The following DGKB variants were observed in gnomAD, a reference collection of about 807,000 sequenced individuals.
DGKB encodes the protein diacylglycerol kinase beta, also known as 90 kDa diacylglycerol kinase.
DGKB carries 67 observed loss-of-function variants against 114.3 expected under a neutral mutation model. The ratio of observed to expected loss-of-function variants is 0.59; its 90% confidence interval spans 0.48 to 0.72. The LOEUF is 0.72. Among genes scored for constraint, DGKB ranks in the 30% least tolerant of loss-of-function variants. The probability of loss-of-function intolerance (pLI) is 0.00; values close to 1 mark genes in which losing one functional copy is unlikely to be tolerated. For missense variants in DGKB, 907 were observed against 975.2 expected (o/e 0.93, Z 0.93); for synonymous variants, 398 against 323.1 (o/e 1.23, Z -2.49).
chr7:14,727,483 C>A (rs577309942), intron 5 of DGKB, among the ~76,000 whole-genome samples: 3 of 152,162 alleles, frequency 2.0e-5, no homozygotes, highest in Admixed American at 2.0e-4. Flanking sequence ...TTCAATACTA[C>A]AGAGGTACAT....
intron 23 of DGKB, among the ~76,000 whole-genome samples, chr7:14,231,095 CTTT>C (rs1791700247): frequency 9.8e-6 from 1 of 102,234 alleles, no homozygotes. Context: ...TTCTTTCTTT[CTTT>C]CTTTCTTTCT....
intron 1 of DGKB, among the ~76,000 whole-genome samples, chr7:14,960,062 G>A (rs1377035614): frequency 6.6e-6 from 1 of 151,960 alleles, no homozygotes; most frequent in Non-Finnish European, 1.5e-5. Flanking sequence ...ACACAGGCAT[G>A]AGATACAAAT....
At chr7:14,311,894 A>G (rs570728438) in intron 23 of DGKB, among the ~76,000 whole-genome samples, 1 of 152,148 alleles carries the variant, frequency 6.6e-6, no homozygotes, top group Non-Finnish European at 1.5e-5. Context: ...GAATATTCCT[A>G]TTTATGACAC....
chr7:14,839,546 T>A (rs1402670880), intron 2 of DGKB, among the ~76,000 whole-genome samples: 3 of 151,664 alleles, frequency 2.0e-5, no homozygotes, highest in African/African-American at 7.3e-5. Context: ...GGACTACATG[T>A]GCATGCCAGC....
intron 21 of DGKB, among the ~76,000 whole-genome samples, chr7:14,477,521 A>G (rs1782360278): frequency 6.6e-6 from 1 of 152,176 alleles, no homozygotes; most frequent in Admixed American, 6.5e-5. Context: ...AGAGAGCCAT[A>G]TTTCCTTCTA....
intron 21 of DGKB, among the ~76,000 whole-genome samples, chr7:14,475,005 A>T (rs1176453162): frequency 1.3e-5 from 2 of 152,134 alleles, no homozygotes; most frequent in African/African-American, 2.4e-5. Flanking sequence ...TCTCTTAAGC[A>T]ACGGAAAAAT....
At chr7:14,213,120 G>T (rs1265388475) in intron 23 of DGKB, among the ~76,000 whole-genome samples, 1 of 151,806 alleles carries the variant, frequency 6.6e-6, no homozygotes, top group Non-Finnish European at 1.5e-5. Context: ...TAAAAAAATG[G>T]TAACACATTC....
At chr7:14,441,806 T>C (rs1830125856) in intron 21 of DGKB, among the ~76,000 whole-genome samples, 1 of 152,086 alleles carries the variant, frequency 6.6e-6, no homozygotes, top group Non-Finnish European at 1.5e-5. Flanking sequence ...TTGCTTTTAA[T>C]GACACATTTA....
intron 1 of DGKB, among the ~76,000 whole-genome samples, chr7:14,873,622 C>G (rs1451658842): frequency 6.6e-6 from 1 of 151,740 alleles, no homozygotes; most frequent in Admixed American, 6.6e-5. Context: ...CCATTAACTT[C>G]TTATTATAGA....
At chr7:14,776,759 G>C (rs1425127459) in intron 2 of DGKB, among the ~76,000 whole-genome samples, 1 of 152,202 alleles carries the variant, frequency 6.6e-6, no homozygotes, top group African/African-American at 2.4e-5. Context: ...AGTGGAGAAG[G>C]GAAAAGTGGG....
intron 23 of DGKB, among the ~76,000 whole-genome samples, chr7:14,335,158 G>A (rs1810424169): frequency 6.6e-6 from 1 of 152,068 alleles, no homozygotes; most frequent in Admixed American, 6.6e-5. Flanking sequence ...TTCAAAGATT[G>A]CAAGCAAATA....
chr7:14,651,741 C>T (rs1479990030), intron 13 of DGKB, among the ~76,000 whole-genome samples: 98 of 148,374 alleles, frequency 6.6e-4, no homozygotes, highest in African/African-American at 2.1e-3. Context: ...ATTGTATATC[C>T]AGAAAACCCC....
chr7:14,968,511 T>G (rs962250187), intron 1 of DGKB, among the ~76,000 whole-genome samples: 1 of 152,188 alleles, frequency 6.6e-6, no homozygotes, highest in Admixed American at 6.5e-5. Flanking sequence ...AAATCCCAAC[T>G]GTCTTTTCCC....
chr7:14,963,437 T>G (rs537326514), intron 1 of DGKB, among the ~76,000 whole-genome samples: 6 of 152,162 alleles, frequency 3.9e-5, no homozygotes, highest in Non-Finnish European at 7.3e-5. Flanking sequence ...GTAATCAAAT[T>G]TGCCAAAATA....
At chr7:14,679,974 T>C (rs923074757) in intron 12 of DGKB, among the ~76,000 whole-genome samples, 4 of 152,014 alleles carry the variant, frequency 2.6e-5, no homozygotes, top group Non-Finnish European at 5.9e-5. Flanking sequence ...GAGAAACTGA[T>C]AGAGTCTCCT....
chr7:14,322,900 CTCA>C (rs1170148277), intron 23 of DGKB, among the ~76,000 whole-genome samples: 1 of 152,114 alleles, frequency 6.6e-6, no homozygotes, highest in African/African-American at 2.4e-5. Context: ...ATTAAAAAGA[CTCA>C]TCATTCAAAG....
intron 4 of DGKB, among the ~76,000 whole-genome samples, chr7:14,746,949 T>TA (rs3071278): frequency 0.011 from 1,713 of 150,256 alleles, 11 homozygotes; most frequent in African/African-American, 0.019. Context: ...GCAATAATTC[T>TA]AAAAAAAAAA....
intron 20 of DGKB, among the ~76,000 whole-genome samples, chr7:14,558,334 TTC>T (rs1796169009): frequency 6.6e-6 from 1 of 152,024 alleles, no homozygotes; most frequent in African/African-American, 2.4e-5. Flanking sequence ...ATAAATCTTC[TTC>T]TGAGGATGCC....
intron 5 of DGKB, among the ~76,000 whole-genome samples, chr7:14,734,030 TGTGTGTGTGTGTGTGTG>T (rs1831327274): frequency 6.6e-6 from 1 of 151,676 alleles, no homozygotes; most frequent in South Asian, 2.1e-4. Flanking sequence ...CGTGTGTGTG[TGTGTGTGTGTGTGTGTG>T]GTGTGTGAAA....
Sources: gnomAD v4.1 joint callset for allele counts (sites outside exome capture counted in the v4.1 genomes callset) on GRCh38, gnomAD v4.1.1 for gene constraint, MANE v1.5 for transcripts, NCBI Gene and HGNC (gene_info 2026-07-23, HGNC 2026-07-21) for gene names.